The following ST7L variants were observed in gnomAD, a reference collection of about 807,000 sequenced individuals.
ST7L encodes the protein suppressor of tumorigenicity 7 protein-like.
ST7L carries 57 observed loss-of-function variants against 72.5 expected under a neutral mutation model. That is an observed-to-expected ratio of 0.79 (90% confidence interval 0.64 to 0.98). ST7L has a LOEUF of 0.98. Among genes scored for constraint, ST7L ranks in the 50% least tolerant of loss-of-function variants. The pLI is 0.00. For synonymous variants in ST7L, 221 were observed against 240.9 expected (o/e 0.92, Z 0.77); for missense variants, 576 against 672.2 (o/e 0.86, Z 1.58).
At chr1:112,594,144 C>T (rs1296303469) in intron 5 of ST7L, among the ~76,000 whole-genome samples, 1 of 151,450 alleles carries the variant, frequency 6.6e-6, no homozygotes, top group Non-Finnish European at 1.5e-5. Flanking sequence ...GTTTCCCTAT[C>T]CTACCTAACC....
chr1:112,618,250 T>A (rs1670250486), intron 1 of ST7L: 1 of 1,103,222 alleles, frequency 9.1e-7, no homozygotes, highest in Admixed American at 4.7e-5. Context: ...TTCTTACATG[T>A]GTTCGTATTG....
chr1:112,529,744 TAA>T (rs1310619468), intron 14 of ST7L: 26 of 45,046 alleles, frequency 5.8e-4, no homozygotes, highest in Non-Finnish European at 5.8e-4. Context: ...ATCCAAAAGA[TAA>T]AAGTTAAAAA....
At chr1:112,611,295 G>A (rs930137479) in intron 2 of ST7L, among the ~76,000 whole-genome samples, 4 of 152,190 alleles carry the variant, frequency 2.6e-5, no homozygotes, top group Non-Finnish European at 4.4e-5. Flanking sequence ...ATTTAACTCT[G>A]TTAAGTTACA....
intron 1 of ST7L, among the ~76,000 whole-genome samples, chr1:112,617,710 C>CTG (rs762945535): frequency 1.1e-5 from 1 of 91,060 alleles, no homozygotes; most frequent in Admixed American, 9.7e-5. Flanking sequence ...GTCTGTCTTT[C>CTG]TCTCTCTCAC....
At chr1:112,559,871 C>T (rs1210866057) in intron 11 of ST7L, among the ~76,000 whole-genome samples, 6 of 151,470 alleles carry the variant, frequency 4.0e-5, no homozygotes, top group East Asian at 2.0e-4. Flanking sequence ...CCCAGCTACT[C>T]GGGAGGCTGA....
At chr1:112,543,723 G>A (rs1656580769) in intron 13 of ST7L, among the ~76,000 whole-genome samples, 1 of 151,920 alleles carries the variant, frequency 6.6e-6, no homozygotes, top group African/African-American at 2.4e-5. Context: ...AGAAAGATTA[G>A]CCAGGCATGG....
At chr1:112,607,664 G>C (rs1386756353) in intron 3 of ST7L, 1 of 151,676 alleles carries the variant, frequency 6.6e-6, no homozygotes, top group Admixed American at 6.6e-5. Flanking sequence ...ACAATTTGGG[G>C]TTGATTGGAG....
chr1:112,558,817 T>C (rs2101632608), intron 11 of ST7L, among the ~76,000 whole-genome samples: 1 of 152,316 alleles, frequency 6.6e-6, no homozygotes. Context: ...CCCATTTTTT[T>C]TAAAACACAG....
At chr1:112,557,593 CTT>C (rs1421882120) in intron 11 of ST7L, among the ~76,000 whole-genome samples, 3 of 152,084 alleles carry the variant, frequency 2.0e-5, no homozygotes, top group Admixed American at 6.5e-5. Flanking sequence ...TTTTGTTTCT[CTT>C]GAGTAAGTAC....
At chr1:112,548,747 CAG>C (rs771472030) in intron 13 of ST7L, among the ~76,000 whole-genome samples, 105 of 152,274 alleles carry the variant, frequency 6.9e-4, no homozygotes, top group Admixed American at 4.4e-3. Flanking sequence ...AGAAGTTAAA[CAG>C]AAATTTACTA....
chr1:112,540,548 C>A, intron 14 of ST7L: 1 of 985,330 alleles, frequency 1.0e-6, no homozygotes, highest in Non-Finnish European at 1.2e-6. Context: ...GAAGTTTGAC[C>A]CAGAATCAAG....
downstream of ST7L, chr1:112,522,551 A>C (rs1365606904): frequency 3.3e-5 from 5 of 152,116 alleles, no homozygotes; most frequent in Non-Finnish European, 7.3e-5. Context: ...TGGGGTCCTC[A>C]TGTTTTTGAA....
At chr1:112,599,813 G>A (rs1387557773) in intron 4 of ST7L, among the ~76,000 whole-genome samples, 3 of 152,012 alleles carry the variant, frequency 2.0e-5, no homozygotes, top group African/African-American at 7.3e-5. Context: ...ATACTTATAC[G>A]TATCACAAAT....
At chr1:112,539,747 T>C (rs1002930567) in intron 14 of ST7L, 5 of 985,110 alleles carry the variant, frequency 5.1e-6, no homozygotes, top group Admixed American at 6.2e-5. Context: ...AAATGGAACC[T>C]GCCTTTGGAA....
intron 3 of ST7L, among the ~76,000 whole-genome samples, chr1:112,602,526 T>C (rs1390028270): frequency 6.6e-6 from 1 of 152,166 alleles, no homozygotes; most frequent in Non-Finnish European, 1.5e-5. Flanking sequence ...ATTCTTCACT[T>C]CCACATCCTT....
intron 3 of ST7L, among the ~76,000 whole-genome samples, chr1:112,607,824 T>A: frequency 6.6e-6 from 1 of 152,004 alleles, no homozygotes; most frequent in Non-Finnish European, 1.5e-5. Context: ...TTCAGGGTGG[T>A]TAGGGCCATT....
chr1:112,538,379 G>C (rs999925265), intron 14 of ST7L, among the ~76,000 whole-genome samples: 7 of 152,154 alleles, frequency 4.6e-5, no homozygotes, highest in African/African-American at 1.7e-4. Context: ...GTCTTGCTCT[G>C]TTGCCCAGGC....
At chr1:112,601,797 G>A (rs115629958) in intron 3 of ST7L, among the ~76,000 whole-genome samples, 216 of 152,176 alleles carry the variant, frequency 1.4e-3, no homozygotes, top group African/African-American at 4.9e-3. Flanking sequence ...GACTGGAAGA[G>A]GCCGGGCATG....
At chr1:112,570,570 T>TACACACACACACAC (rs1553248207) in intron 11 of ST7L, among the ~76,000 whole-genome samples, 10 of 143,416 alleles carry the variant, frequency 7.0e-5, no homozygotes, top group African/African-American at 2.6e-4. Context: ...TATATATATA[T>TACACACACACACAC]ACACACACAC....
Sources: allele counts gnomAD v4.1 joint callset (sites outside exome capture counted in the v4.1 genomes callset), GRCh38; gene constraint gnomAD v4.1.1; transcripts MANE v1.5; gene names NCBI Gene and HGNC (gene_info 2026-07-23, HGNC 2026-07-21).